PLPP1: variants seen among roughly 807,000 people sequenced by gnomAD.
PLPP1 encodes phospholipid phosphatase 1.
PLPP1 carries 24 observed loss-of-function variants against 31.2 expected under a neutral mutation model. The ratio of observed to expected loss-of-function variants is 0.77; its 90% confidence interval spans 0.56 to 1.08. PLPP1 has a LOEUF of 1.08. PLPP1 is among the 50% of genes least tolerant of loss of function. The probability of loss-of-function intolerance (pLI) is 0.00; values close to 1 mark genes in which losing one functional copy is unlikely to be tolerated. For missense variants in PLPP1, 319 were observed against 342.7 expected, an observed-to-expected ratio of 0.93 and a Z score of 0.55; for synonymous variants, 146 against 126.3, an observed-to-expected ratio of 1.16 and a Z score of -1.05.
chr5:55,469,574 G>A (rs1044305907), intron 2 of PLPP1, among the ~76,000 whole-genome samples: 1 of 151,286 alleles, frequency 6.6e-6, no homozygotes, highest in Non-Finnish European at 1.5e-5. Context: ...TAATCTGTGT[G>A]GAGAGAATTA....
intron 1 of PLPP1, among the ~76,000 whole-genome samples, chr5:55,516,544 G>A (rs748099320): frequency 2.6e-5 from 4 of 152,146 alleles, no homozygotes; most frequent in Non-Finnish European, 5.9e-5. Context: ...ATAAACAAAT[G>A]CCCACTATGT....
chr5:55,455,088 T>C (rs1302144563), intron 3 of PLPP1, among the ~76,000 whole-genome samples: 1 of 152,214 alleles, frequency 6.6e-6, no homozygotes, highest in African/African-American at 2.4e-5. Flanking sequence ...AGTAAGCATC[T>C]GAAGAATACA....
chr5:55,489,096 G>A (rs1752834010), intron 1 of PLPP1, among the ~76,000 whole-genome samples: 1 of 152,148 alleles, frequency 6.6e-6, no homozygotes, highest in South Asian at 2.1e-4. Flanking sequence ...TACTCAGGAG[G>A]CTAAGGCAGG....
chr5:55,519,829 C>G (rs912206488), intron 1 of PLPP1, among the ~76,000 whole-genome samples: 6 of 151,952 alleles, frequency 3.9e-5, no homozygotes, highest in African/African-American at 1.2e-4. Context: ...AGTTACCTTT[C>G]TGAAGACAGT....
At chr5:55,428,648 G>T (rs1220590555) in intron 4 of PLPP1, among the ~76,000 whole-genome samples, 1 of 152,204 alleles carries the variant, frequency 6.6e-6, no homozygotes, top group Non-Finnish European at 1.5e-5. Flanking sequence ...CTGAAAAGTT[G>T]AATGTCTGAA....
intron 1 of PLPP1, among the ~76,000 whole-genome samples, chr5:55,494,427 G>A (rs1463335238): frequency 4.6e-5 from 7 of 152,176 alleles, no homozygotes; most frequent in Non-Finnish European, 1.0e-4. Context: ...GAAATGAGAA[G>A]TTGCCAGGGG....
intron 3 of PLPP1, among the ~76,000 whole-genome samples, chr5:55,452,209 C>T (rs764710676): frequency 1.2e-4 from 18 of 152,086 alleles, no homozygotes; most frequent in African/African-American, 3.6e-4. Context: ...TGGGGCCTAG[C>T]GGGAGGTATT....
chr5:55,439,389 A>G (rs555420053), intron 4 of PLPP1, among the ~76,000 whole-genome samples: 37 of 151,946 alleles, frequency 2.4e-4, no homozygotes, highest in Non-Finnish European at 4.7e-4. Context: ...CATTTTCTGT[A>G]CTCACTTTCC....
chr5:55,525,872 AAAG>A (rs1267833920), intron 1 of PLPP1, among the ~76,000 whole-genome samples: 2 of 151,964 alleles, frequency 1.3e-5, no homozygotes, highest in African/African-American at 2.4e-5. Context: ...TTTTTTTTGA[AAAG>A]AAGAGACAAG....
intron 1 of PLPP1, among the ~76,000 whole-genome samples, chr5:55,525,638 C>G (rs1740405856): frequency 6.6e-6 from 1 of 152,108 alleles, no homozygotes; most frequent in Non-Finnish European, 1.5e-5. Context: ...GCCTGGCCCC[C>G]AATTTTAGAC....
intron 3 of PLPP1, among the ~76,000 whole-genome samples, chr5:55,456,485 T>C (rs1259400090): frequency 6.6e-6 from 1 of 152,186 alleles, no homozygotes; most frequent in Non-Finnish European, 1.5e-5. Context: ...AATTTTATAA[T>C]TAAAAGCTTA....
At chr5:55,467,725 G>T in intron 3 of PLPP1, 144 bp downstream of exon 3, 1 of 887,692 alleles carries the variant, frequency 1.1e-6, no homozygotes, top group Non-Finnish European at 1.7e-6. Flanking sequence ...TGATGAGAGA[G>T]AACAATTCAT....
chr5:55,491,829 G>T (rs550081714), intron 1 of PLPP1, among the ~76,000 whole-genome samples: 326 of 128,064 alleles, frequency 2.5e-3, no homozygotes, highest in Non-Finnish European at 3.7e-3. Context: ...CTGCACTCCA[G>T]CCTGGCCAAC....
At chr5:55,458,887 CAAAAAAAAAAA>C (rs529067608) in intron 3 of PLPP1, among the ~76,000 whole-genome samples, 77 of 21,110 alleles carry the variant, frequency 3.6e-3, no homozygotes, top group Non-Finnish European at 5.1e-3. Flanking sequence ...ACCCTGTCTC[CAAAAAAAAAAA>C]AAAAAAAAAA....
chr5:55,522,056 T>C (rs1248905689), intron 1 of PLPP1, among the ~76,000 whole-genome samples: 2 of 152,210 alleles, frequency 1.3e-5, no homozygotes, highest in African/African-American at 4.8e-5. Context: ...ATATGTCATT[T>C]TCCTGGACAC....
At chr5:55,534,328 G>A (rs1740798641) in intron 1 of PLPP1, among the ~76,000 whole-genome samples, 2 of 152,162 alleles carry the variant, frequency 1.3e-5, no homozygotes, top group Non-Finnish European at 2.9e-5. Flanking sequence ...GAGCGCAGAG[G>A]CGTGAACAGC....
Position 55,425,848 on chromosome 5 carries a change from G to C in PLPP1, c.726+15C>G. ...TAGCAATATCAAGATGTAGGCTGTT[G>C]ACCTGTATACTTACAACTAATATTG... is the stretch of plus-strand genomic sequence containing the variant. On this transcript the variant is annotated intron_variant, in intron 5 of 5. Coordinates refer to ENST00000307259, the MANE Select transcript of PLPP1 (RefSeq NM_003711.4). 1 of 1,557,020 alleles carries C rather than the reference G, an allele frequency of 6.4e-7. No individual in the cohort carries two copies. The highest frequency in any genetic ancestry group is 8.7e-7 in the Non-Finnish European group (1 of 1,154,362).
At chr5:55,441,817 A>ATAACC (rs775046935) in intron 4 of PLPP1, 34 bp downstream of exon 4, 2 of 1,595,582 alleles carry the variant, frequency 1.3e-6, no homozygotes, top group East Asian at 4.5e-5. Flanking sequence ...CATGCAGCAC[A>ATAACC]TAACCTAACC....
intron 4 of PLPP1, among the ~76,000 whole-genome samples, chr5:55,436,531 A>G (rs1017070563): frequency 6.6e-6 from 1 of 152,158 alleles, no homozygotes; most frequent in Admixed American, 6.5e-5. Context: ...TCTTGTGTAA[A>G]CTGCCCAGCC....
Sources: allele counts gnomAD v4.1 joint callset (sites outside exome capture counted in the v4.1 genomes callset), GRCh38; gene constraint gnomAD v4.1.1; transcripts MANE v1.5; gene names NCBI Gene and HGNC (gene_info 2026-07-23, HGNC 2026-07-21).